Variants in CNRIP1 observed in about 807,000 individuals in gnomAD.
The protein encoded by CNRIP1 is cannabinoid receptor interacting protein 1, also known as CB1 cannabinoid receptor-interacting protein 1.
A neutral mutation model predicts 15.2 loss-of-function variants in CNRIP1; 10 were observed. The observed-to-expected ratio is 0.66, with a 90% CI of 0.41 to 1.12. The LOEUF is 1.12. Ranked by LOEUF, CNRIP1 falls within the 50% of genes most tolerant of loss-of-function variation. The pLI is 0.00. For missense variants in CNRIP1, 211 were observed against 214.7 expected (o/e 0.98, Z 0.11); for synonymous variants, 91 against 83.2 (o/e 1.09, Z -0.51).
chr2:68,306,022 A>T (rs11678521), intron 2 of CNRIP1, among the ~76,000 whole-genome samples: 89,267 of 148,592 alleles, frequency 0.6, 28,606 homozygotes, highest in African/African-American at 0.84. Context: ...CCCAGCTACT[A>T]GAGAGGCTGA....
At chr2:68,292,422 C>A (rs1428296072), downstream of CNRIP1, among the ~76,000 whole-genome samples, 1 of 152,160 alleles carries the variant, frequency 6.6e-6, no homozygotes, top group Non-Finnish European at 1.5e-5. Context: ...AATGAATCAA[C>A]TTTTAAAAAT....
intron 2 of CNRIP1, among the ~76,000 whole-genome samples, chr2:68,297,258 A>G (rs1177235783): frequency 1.3e-5 from 2 of 152,186 alleles, no homozygotes; most frequent in African/African-American, 4.8e-5. Context: ...TTCATTAAAA[A>G]CAAAACAAAA....
chr2:68,297,567 CAAAAAAAAAAAAAAAAAAAAA>C (rs112601365), intron 2 of CNRIP1, among the ~76,000 whole-genome samples: 4 of 98,856 alleles, frequency 4.0e-5, no homozygotes, highest in African/African-American at 4.1e-5. Flanking sequence ...GACACTGTCT[CAAAAAAAAAAAAAAAAAAAAA>C]AAAAAAAAAA....
chr2:68,319,238 T>G lies in CNRIP1; in HGVS notation c.163A>C (p.Ser55Arg). 6.5e-7 allele frequency: 1 copy of G among 1,548,400 alleles called. No homozygotes were observed. The highest frequency in any genetic ancestry group is 2.5e-5 in the East Asian group (1 of 40,760). The change falls in exon 1 of 3, where the codon AGC (serine) becomes CGC (arginine). Residue 55 changes from serine (S) to arginine (R), a missense_variant. Physicochemically the swap from Ser to Arg is moderately radical, Grantham distance 110. Transcript: ENST00000263655. ...SYKVEVKIKP[S>R]TLQVENISIG... The stretch of plus-strand genomic sequence containing the variant: ...CGCACTCACTCGACCTGCAGCGTGC[T>G]GGGTTTAATCTTCACCTCAACCTTG...
chr2:68,300,102 T>A (rs1671548225), intron 2 of CNRIP1, among the ~76,000 whole-genome samples: 1 of 152,248 alleles, frequency 6.6e-6, no homozygotes, highest in African/African-American at 2.4e-5. Context: ...TATTAGTAAA[T>A]GTTTCCCATT....
intron 1 of CNRIP1, among the ~76,000 whole-genome samples, chr2:68,318,186 A>G (rs1672349437): frequency 6.6e-6 from 1 of 152,116 alleles, no homozygotes; most frequent in South Asian, 2.1e-4. Flanking sequence ...CAGGAGTACC[A>G]GAAACCATCC....
chr2:68,319,349 G>A lies in CNRIP1; in HGVS notation c.52C>T (p.Pro18Ser), dbSNP rs1384585047. 1 of 1,581,794 alleles carries A rather than the reference G, an allele frequency of 6.3e-7. No homozygotes were observed. The highest frequency in any genetic ancestry group is 1.1e-5 in the South Asian group (1 of 87,022). Reference sequence around the variant, plus strand: ...TTGTAAAAGACCGGGCCGTCATTAGGCTGGATGCGCAGCGCGATGGAGAGG... The same window carrying A: ...TTGTAAAAGACCGGGCCGTCATTAGACTGGATGCGCAGCGCGATGGAGAGG... ...VRLSIALRIQ[P>S]NDGPVFYKVD... Residue 18 changes from proline to serine, a missense_variant, in exon 1 of 3, where the codon CCT becomes TCT. Physicochemically the swap from Pro to Ser is moderately conservative, Grantham distance 74. Transcript: ENST00000263655.
intron 2 of CNRIP1, among the ~76,000 whole-genome samples, chr2:68,305,229 A>C (rs1671773860): frequency 7.7e-6 from 1 of 129,784 alleles, no homozygotes; most frequent in Non-Finnish European, 1.6e-5. Context: ...GGGCAACAAG[A>C]GTGAAACTCC....
intron 2 of CNRIP1, among the ~76,000 whole-genome samples, chr2:68,306,994 G>A (rs964309168): frequency 6.6e-6 from 1 of 152,172 alleles, no homozygotes; most frequent in African/African-American, 2.4e-5. Context: ...TTTAAAAAGT[G>A]AAATAAGATT....
At chr2:68,303,069 G>T (rs781606415) in intron 2 of CNRIP1, among the ~76,000 whole-genome samples, 29 of 150,064 alleles carry the variant, frequency 1.9e-4, no homozygotes, top group East Asian at 6.3e-4. Flanking sequence ...GGATGGTCTC[G>T]ATCTCCTGAC....
chr2:68,311,410 A>G (rs1050203816), intron 2 of CNRIP1, among the ~76,000 whole-genome samples: 13 of 152,346 alleles, frequency 8.5e-5, no homozygotes, highest in Non-Finnish European at 1.8e-4. Flanking sequence ...GATTTTGAAA[A>G]GGCCAATAAA....
downstream of CNRIP1, among the ~76,000 whole-genome samples, chr2:68,289,290 T>C (rs1671104745): frequency 6.6e-6 from 1 of 152,224 alleles, no homozygotes; most frequent in Non-Finnish European, 1.5e-5. Flanking sequence ...TCTTAAAATA[T>C]GCTATTTTAA....
downstream of CNRIP1, among the ~76,000 whole-genome samples, chr2:68,290,034 T>C (rs1375462588): frequency 6.9e-5 from 10 of 145,626 alleles, no homozygotes; most frequent in Admixed American, 5.5e-4. Context: ...CTTTTTTTTT[T>C]TTTTTTTTTT....
chr2:68,295,888 G>A (rs1671338617), intron 2 of CNRIP1, among the ~76,000 whole-genome samples: 1 of 152,166 alleles, frequency 6.6e-6, no homozygotes, highest in Non-Finnish European at 1.5e-5. Flanking sequence ...TTTATTACAT[G>A]TAAACTATAC....
chr2:68,305,272 A>ATGTGTGTGTGTGTGTGTGTGTG (rs1225964288), intron 2 of CNRIP1, among the ~76,000 whole-genome samples: 4 of 69,024 alleles, frequency 5.8e-5, no homozygotes, highest in East Asian at 1.9e-3. Context: ...ATATATATAT[A>ATGTGTGTGTGTGTGTGTGTGTG]TATGTGTGTG....
chr2:68,299,522 A>T (rs184244558), intron 2 of CNRIP1, among the ~76,000 whole-genome samples: 1 of 152,194 alleles, frequency 6.6e-6, no homozygotes, highest in African/African-American at 2.4e-5. Context: ...GACCAAAAAG[A>T]GGGTCCTCAC....
chr2:68,299,583 A>G (rs1347325525), intron 2 of CNRIP1, among the ~76,000 whole-genome samples: 1 of 152,232 alleles, frequency 6.6e-6, no homozygotes, highest in Non-Finnish European at 1.5e-5. Flanking sequence ...ACTCTGAGAA[A>G]TAGATGTTTG....
intron 2 of CNRIP1, among the ~76,000 whole-genome samples, chr2:68,308,917 A>T (rs565560798): frequency 2.0e-5 from 3 of 152,308 alleles, no homozygotes; most frequent in Admixed American, 2.0e-4. Context: ...TTCAGAAAAC[A>T]GTCCGAAAAA....
At chr2:68,312,832 T>C (rs1481464449) in intron 2 of CNRIP1, among the ~76,000 whole-genome samples, 1 of 152,072 alleles carries the variant, frequency 6.6e-6, no homozygotes, top group Non-Finnish European at 1.5e-5. Flanking sequence ...TTCAAAAATA[T>C]GAAATAATAA....
Sources: allele counts gnomAD v4.1 joint callset (sites outside exome capture counted in the v4.1 genomes callset), GRCh38; gene constraint gnomAD v4.1.1; transcripts MANE v1.5; gene names NCBI Gene and HGNC (gene_info 2026-07-23, HGNC 2026-07-21).